The following PRLR variants were observed in gnomAD, a reference collection of about 807,000 sequenced individuals.
PRLR encodes the protein prolactin receptor.
A neutral mutation model predicts 40.2 loss-of-function variants in PRLR; 13 were observed. The observed-to-expected ratio is 0.32, with a 90% CI of 0.21 to 0.51. PRLR has a LOEUF of 0.51. Among genes scored for constraint, PRLR ranks in the 20% least tolerant of loss-of-function variants. PRLR has a pLI of 0.97. For synonymous variants in PRLR, 269 were observed against 278.7 expected, an observed-to-expected ratio of 0.97 and a Z score of 0.35; for missense variants, 656 against 747.3, an observed-to-expected ratio of 0.88 and a Z score of 1.42.
rs112072011 is a variant in PRLR at position 35,120,772 on chromosome 5, C to T, written c.-105-2650G>A. 2.7e-3 allele frequency among the ~76,000 whole-genome samples: 417 copies of T among 152,272 alleles called. 4 individuals are homozygous for T. Among genetic ancestry groups the T allele is most frequent in the African/African-American group, 9.6e-3 (400 of 41,554 alleles). On this transcript the variant is annotated intron_variant, in intron 1 of 9. Transcript: ENST00000618457. ...GGAGTACTGTGCTCATTTCCCTGCT[C>T]CTCACTTTAGGAAAAAGCATGTTGT...
chr5:35,156,600 C>T (rs1774515889), intron 1 of PRLR, among the ~76,000 whole-genome samples: 1 of 152,156 alleles, frequency 6.6e-6, no homozygotes, highest in South Asian at 2.1e-4. Flanking sequence ...CCTTGATGCT[C>T]CTGAATGTAC....
chr5:35,187,187 G>T (rs1775463492), intron 1 of PRLR, among the ~76,000 whole-genome samples: 1 of 152,096 alleles, frequency 6.6e-6, no homozygotes, highest in Admixed American at 6.5e-5. Flanking sequence ...GACCACTTGA[G>T]GTCAGGAGTT....
At chr5:35,221,432 A>C (rs79062239) in intron 1 of PRLR, among the ~76,000 whole-genome samples, 2,164 of 152,358 alleles carry the variant, frequency 0.014, 25 homozygotes, top group Non-Finnish European at 0.021. Context: ...TAGAAGTAGC[A>C]AACTTAAATT....
intron 1 of PRLR, among the ~76,000 whole-genome samples, chr5:35,157,857 T>C (rs1277558780): frequency 1.3e-5 from 2 of 152,238 alleles, no homozygotes; most frequent in Non-Finnish European, 2.9e-5. Flanking sequence ...AAAAATACTT[T>C]TTTGTGTGTG....
intron 1 of PRLR, among the ~76,000 whole-genome samples, chr5:35,149,136 T>C (rs981427899): frequency 2.0e-5 from 3 of 152,082 alleles, no homozygotes; most frequent in Admixed American, 6.6e-5. Flanking sequence ...GAAATCAAAA[T>C]GTCGAGTTGC....
At chr5:35,203,359 T>C (rs111983232) in intron 1 of PRLR, among the ~76,000 whole-genome samples, 3 of 152,312 alleles carry the variant, frequency 2.0e-5, no homozygotes, top group African/African-American at 7.2e-5. Context: ...AGCAGATGTC[T>C]TGCTCAGCAG....
intron 1 of PRLR, among the ~76,000 whole-genome samples, chr5:35,156,427 A>G (rs1774508950): frequency 6.6e-6 from 1 of 152,194 alleles, no homozygotes; most frequent in African/African-American, 2.4e-5. Flanking sequence ...AAGTTAAATC[A>G]TACACTTTTC....
chr5:35,086,560 GGTGTGT>G (rs113256007), intron 3 of PRLR, among the ~76,000 whole-genome samples: 5 of 148,086 alleles, frequency 3.4e-5, no homozygotes, highest in Non-Finnish European at 7.5e-5. Context: ...GCATTTTGCT[GGTGTGT>G]GTGTGTGTGT....
In PRLR at chr5:35,181,519, G is replaced by A. The variant is rs554489926; in HGVS notation, c.-106+48749C>T. On this transcript the variant is annotated intron_variant, in intron 1 of 9. Coordinates refer to ENST00000618457, the MANE Select transcript of PRLR (RefSeq NM_000949.7). ...AAGTGAGAGCTGCCACTCAGACTAC[G>A]TTATTCTTTTAGAAGAGTCCTTCTT... Among the ~76,000 whole-genome samples the A allele has an allele frequency of 1.3e-3, 198 of 152,268 alleles. 1 individual carries two copies. The highest frequency in any genetic ancestry group is 2.5e-3 in the Non-Finnish European group (173 of 68,016).
chr5:35,173,094 G>T (rs1202718036), intron 1 of PRLR, among the ~76,000 whole-genome samples: 1 of 152,084 alleles, frequency 6.6e-6, no homozygotes, highest in East Asian at 1.9e-4. Flanking sequence ...AGCACATCTT[G>T]TTCCCACCCT....
At chr5:35,225,829 C>T (rs1357783361) in intron 1 of PRLR, among the ~76,000 whole-genome samples, 1 of 152,094 alleles carries the variant, frequency 6.6e-6, no homozygotes. Flanking sequence ...TTACAGGCAC[C>T]CACCACCATG....
intron 1 of PRLR, among the ~76,000 whole-genome samples, chr5:35,141,512 CACAGCCGGTT>C (rs1774025009): frequency 6.6e-6 from 1 of 152,144 alleles, no homozygotes; most frequent in Non-Finnish European, 1.5e-5. Context: ...TCCAAAATCC[CACAGCCGGTT>C]ACTGGCAAAA....
At chr5:35,190,838 A>G (rs929244069) in intron 1 of PRLR, among the ~76,000 whole-genome samples, 3 of 152,158 alleles carry the variant, frequency 2.0e-5, no homozygotes, top group African/African-American at 7.2e-5. Context: ...TCTTTCCAAC[A>G]GAGGCTCTGG....
chr5:35,049,335 T>C, exon 9 of PRLR: 1 of 703,240 alleles, frequency 1.4e-6, no homozygotes, highest in Non-Finnish European at 2.6e-6. Context: ...CAAGTCTTCC[T>C]TGACTTGAGA....
intron 2 of PRLR, among the ~76,000 whole-genome samples, chr5:35,106,073 A>C (rs1430039145): frequency 6.6e-6 from 1 of 152,232 alleles, no homozygotes; most frequent in Non-Finnish European, 1.5e-5. Flanking sequence ...GCCAATATTC[A>C]ACATTCTTAA....
intron 1 of PRLR, among the ~76,000 whole-genome samples, chr5:35,160,866 C>T (rs866021032): frequency 6.6e-6 from 1 of 152,160 alleles, no homozygotes; most frequent in South Asian, 2.1e-4. Context: ...CCCACCTCTT[C>T]CCCTAAACTG....
chr5:35,150,164 G>A (rs1402623239), intron 1 of PRLR, among the ~76,000 whole-genome samples: 3 of 152,212 alleles, frequency 2.0e-5, no homozygotes, highest in Non-Finnish European at 2.9e-5. Context: ...GATTACAGGC[G>A]TGAGCCACCA....
chr5:35,143,834 T>C (rs570549120), intron 1 of PRLR, among the ~76,000 whole-genome samples: 26 of 152,294 alleles, frequency 1.7e-4, no homozygotes, highest in African/African-American at 6.3e-4. Flanking sequence ...TTTAATATGC[T>C]AAGTTTATAA....
chr5:35,196,535 CA>C (rs1297444459), intron 1 of PRLR, among the ~76,000 whole-genome samples: 1 of 152,156 alleles, frequency 6.6e-6, no homozygotes, highest in Non-Finnish European at 1.5e-5. Flanking sequence ...AAACATAGGG[CA>C]GGGGACAGGT....
Sources: gnomAD v4.1 joint callset for allele counts (sites outside exome capture counted in the v4.1 genomes callset) on GRCh38, gnomAD v4.1.1 for gene constraint, MANE v1.5 for transcripts, NCBI Gene and HGNC (gene_info 2026-07-23, HGNC 2026-07-21) for gene names.